The following EYS variants were observed in gnomAD, a reference collection of about 807,000 sequenced individuals.
The protein encoded by EYS is EGF-like photoreceptor maintenance factor, also known as protein eyes shut homolog.
Under a neutral mutation model 282.1 loss-of-function variants are expected in EYS, and 250 were observed. The observed-to-expected ratio is 0.89, with a 90% CI of 0.80 to 0.98. The LOEUF is 0.98. Ranked by LOEUF, EYS falls within the 50% of genes least tolerant of loss-of-function variation. The pLI is 0.00. For missense variants in EYS, 4,016 were observed against 3,709.0 expected, an observed-to-expected ratio of 1.08 and a Z score of -2.15; for synonymous variants, 1,355 against 1,282.9, an observed-to-expected ratio of 1.06 and a Z score of -1.20.
intron 19 of EYS, among the ~76,000 whole-genome samples, chr6:64,876,169 T>C (rs1011942099): frequency 6.6e-6 from 1 of 152,078 alleles, no homozygotes; most frequent in Non-Finnish European, 1.5e-5. Flanking sequence ...AATTTAAAAT[T>C]AATGTTATAT....
chr6:65,058,214 G>A (rs967335925), intron 12 of EYS, among the ~76,000 whole-genome samples: 1 of 152,056 alleles, frequency 6.6e-6, no homozygotes, highest in African/African-American at 2.4e-5. Flanking sequence ...GCAGTGGTGC[G>A]ATCTTGGATC....
At chr6:64,701,498 TTG>T (rs1358930739) in intron 22 of EYS, among the ~76,000 whole-genome samples, 4 of 152,110 alleles carry the variant, frequency 2.6e-5, no homozygotes, top group Non-Finnish European at 5.9e-5. Context: ...ATATCTGTAC[TTG>T]TATGTTTATT....
intron 1 of EYS, among the ~76,000 whole-genome samples, chr6:65,700,808 G>A (rs555769115): frequency 1.3e-5 from 2 of 152,246 alleles, no homozygotes; most frequent in African/African-American, 2.4e-5. Context: ...TTTGCCGTAC[G>A]TTCTTCAGCA....
At chr6:64,457,058 G>A (rs1396079150) in intron 26 of EYS, among the ~76,000 whole-genome samples, 1 of 151,780 alleles carries the variant, frequency 6.6e-6, no homozygotes, top group Non-Finnish European at 1.5e-5. Flanking sequence ...ATAGGTTTTT[G>A]TATGCTGTGT....
chr6:64,348,715 T>G (rs1771507462), intron 29 of EYS, among the ~76,000 whole-genome samples: 1 of 151,446 alleles, frequency 6.6e-6, no homozygotes, highest in African/African-American at 2.4e-5. Flanking sequence ...TCCTTTATAT[T>G]TTAGAAAATG....
intron 37 of EYS, among the ~76,000 whole-genome samples, chr6:63,801,513 A>G (rs1770781901): frequency 6.6e-6 from 1 of 152,168 alleles, no homozygotes; most frequent in Admixed American, 6.5e-5. Flanking sequence ...ACAGTTACCA[A>G]CAGAAGGGAT....
intron 30 of EYS, among the ~76,000 whole-genome samples, chr6:64,300,348 C>T (rs536585665): frequency 8.3e-4 from 126 of 152,248 alleles, no homozygotes; most frequent in Non-Finnish European, 1.4e-3. Context: ...CGTCTAGCTC[C>T]GTGGGCAGCC....
chr6:63,965,820 C>A (rs1004077374), intron 35 of EYS, among the ~76,000 whole-genome samples: 1 of 151,980 alleles, frequency 6.6e-6, no homozygotes, highest in African/African-American at 2.4e-5. Context: ...TAAGTAAGAC[C>A]CAGAAAACAC....
chr6:64,870,114 G>A (rs775299478), intron 19 of EYS, among the ~76,000 whole-genome samples: 8 of 151,478 alleles, frequency 5.3e-5, no homozygotes, highest in Non-Finnish European at 1.0e-4. Context: ...TTAGATCACC[G>A]GATGGATAAT....
intron 35 of EYS, among the ~76,000 whole-genome samples, chr6:63,887,403 C>T (rs1773290992): frequency 6.7e-6 from 1 of 149,768 alleles, no homozygotes; most frequent in African/African-American, 2.5e-5. Flanking sequence ...TCTGCAGCTC[C>T]CACTGAGACC....
chr6:63,762,662 T>C lies in EYS; in HGVS notation c.7899-29A>G, dbSNP rs1473349792. 8 of 1,545,256 alleles carry C rather than the reference T, an allele frequency of 5.2e-6. No individual in the cohort carries two copies. In the South Asian group the frequency reaches 9.6e-5, roughly 19 times the overall value. On this transcript the variant is annotated intron_variant, in intron 40 of 42. Transcript: ENST00000503581. ...TGGGTTGAGAGAAAGCCGCATGGTTTGAGCACTTGTTTAGAGATGGATACA... is the reference window on the plus strand; with the variant it reads ...TGGGTTGAGAGAAAGCCGCATGGTTCGAGCACTTGTTTAGAGATGGATACA...
chr6:64,402,603 T>A (rs1453210824), intron 28 of EYS, among the ~76,000 whole-genome samples: 1 of 152,204 alleles, frequency 6.6e-6, no homozygotes, highest in Non-Finnish European at 1.5e-5. Flanking sequence ...CCCATGGGGC[T>A]TCCCACTGGC....
chr6:64,152,101 T>C (rs1405554675), intron 31 of EYS, among the ~76,000 whole-genome samples: 1 of 152,170 alleles, frequency 6.6e-6, no homozygotes, highest in African/African-American at 2.4e-5. Context: ...AAATTATTTT[T>C]ATCTTGTTTA....
chr6:64,323,686 T>C (rs1221489529), intron 29 of EYS, among the ~76,000 whole-genome samples: 3 of 152,112 alleles, frequency 2.0e-5, no homozygotes, highest in African/African-American at 7.2e-5. Flanking sequence ...AATCAATACA[T>C]CAAAACTACC....
chr6:65,634,652 C>T (rs939058414), intron 2 of EYS, among the ~76,000 whole-genome samples: 6 of 152,160 alleles, frequency 3.9e-5, no homozygotes, highest in Non-Finnish European at 8.8e-5. Flanking sequence ...TTCCCCATTC[C>T]AGTTAATAGC....
chr6:65,007,029 G>A (rs1211960427), intron 13 of EYS, among the ~76,000 whole-genome samples: 2 of 152,210 alleles, frequency 1.3e-5, no homozygotes, highest in Non-Finnish European at 2.9e-5. Context: ...CTCACCCTGA[G>A]TGCAAAGGCA....
intron 10 of EYS, among the ~76,000 whole-genome samples, chr6:65,343,725 A>G (rs1165512644): frequency 6.6e-6 from 1 of 151,402 alleles, no homozygotes; most frequent in Non-Finnish European, 1.5e-5. Context: ...GTAAGCAAAA[A>G]AAGTGGCATA....
At chr6:64,602,987 TAGA>T (rs1373975741) in intron 24 of EYS, among the ~76,000 whole-genome samples, 1 of 151,952 alleles carries the variant, frequency 6.6e-6, no homozygotes, top group Admixed American at 6.6e-5. Context: ...TGCAAGCTGG[TAGA>T]AGAATAGGTC....
intron 26 of EYS, among the ~76,000 whole-genome samples, chr6:64,462,201 CT>C: frequency 6.6e-6 from 1 of 152,154 alleles, no homozygotes; most frequent in East Asian, 1.9e-4. Flanking sequence ...AACTTAAATC[CT>C]TTTAATTTTA....
Sources: gnomAD v4.1 joint callset for allele counts (sites outside exome capture counted in the v4.1 genomes callset) on GRCh38, gnomAD v4.1.1 for gene constraint, MANE v1.5 for transcripts, NCBI Gene and HGNC (gene_info 2026-07-23, HGNC 2026-07-21) for gene names.